The following ME3 variants were observed in gnomAD, a reference collection of about 807,000 sequenced individuals.
The protein encoded by ME3 is NADP-dependent malic enzyme, mitochondrial.
In ME3, 48 loss-of-function variants were observed where a neutral mutation model predicts 68.9. The ratio of observed to expected loss-of-function variants is 0.70; its 90% CI spans 0.55 to 0.89. The LOEUF (loss-of-function observed/expected upper bound fraction) is 0.89, where lower values mean the gene tolerates loss of function less well. Among genes scored for constraint, ME3 ranks in the 40% least tolerant of loss-of-function variants. The pLI is 0.00. For synonymous variants in ME3, 320 were observed against 318.8 expected (o/e 1.00, Z -0.04); for missense variants, 675 against 797.4 (o/e 0.85, Z 1.85).
At chr11:86,597,260 C>T (rs181302669) in intron 2 of ME3, among the ~76,000 whole-genome samples, 4 of 152,202 alleles carry the variant, frequency 2.6e-5, no homozygotes, top group African/African-American at 7.2e-5. Flanking sequence ...CCAAGGAACA[C>T]GTTCCAAGGT....
exon 15 of ME3, chr11:86,441,144 C>A: frequency 1.2e-6 from 1 of 864,888 alleles, no homozygotes; most frequent in South Asian, 3.7e-5. Flanking sequence ...TATGCCTTGG[C>A]ATCTCCTCTC....
At chr11:86,609,220 A>T (rs991070751) in intron 2 of ME3, among the ~76,000 whole-genome samples, 8 of 152,182 alleles carry the variant, frequency 5.3e-5, no homozygotes, top group African/African-American at 1.9e-4. Flanking sequence ...ACTCAGCAAG[A>T]TTAATGAGTA....
intron 6 of ME3, among the ~76,000 whole-genome samples, 197 bp from the exon 7 acceptor site, chr11:86,487,637 C>G (rs1040547084): frequency 6.6e-6 from 1 of 152,136 alleles, no homozygotes; most frequent in African/African-American, 2.4e-5. Flanking sequence ...AGGTTGGACT[C>G]TTAGATGGTC....
intron 8 of ME3, among the ~76,000 whole-genome samples, chr11:86,461,791 T>C (rs984748013): frequency 1.3e-5 from 2 of 152,164 alleles, no homozygotes; most frequent in African/African-American, 2.4e-5. Context: ...GTTAATGATA[T>C]GGTCACACCT....
At chr11:86,559,003 A>G (rs1337233780) in intron 3 of ME3, among the ~76,000 whole-genome samples, 3 of 152,198 alleles carry the variant, frequency 2.0e-5, no homozygotes, top group South Asian at 2.1e-4. Flanking sequence ...AATGAAAAGC[A>G]TAGACTCTGG....
intron 2 of ME3, among the ~76,000 whole-genome samples, chr11:86,663,264 A>G (rs1946394327): frequency 6.6e-6 from 1 of 152,160 alleles, no homozygotes; most frequent in Non-Finnish European, 1.5e-5. Flanking sequence ...CTCTCATTCA[A>G]GTTTCTCAAA....
At chr11:86,506,672 A>G (rs1953099174) in intron 5 of ME3, among the ~76,000 whole-genome samples, 1 of 152,216 alleles carries the variant, frequency 6.6e-6, no homozygotes, top group African/African-American at 2.4e-5. Context: ...TGTGACATGG[A>G]AGATGCTCAG....
At chr11:86,474,657 A>G (rs1950963395) in intron 7 of ME3, among the ~76,000 whole-genome samples, 1 of 152,218 alleles carries the variant, frequency 6.6e-6, no homozygotes, top group Non-Finnish European at 1.5e-5. Context: ...GGTGTCCTCC[A>G]TGAAGGTTTT....
intron 5 of ME3, among the ~76,000 whole-genome samples, chr11:86,508,591 T>A (rs1953261797): frequency 6.6e-6 from 1 of 152,180 alleles, no homozygotes; most frequent in Non-Finnish European, 1.5e-5. Flanking sequence ...AAGGGCAATG[T>A]CACATGGATG....
intron 2 of ME3, among the ~76,000 whole-genome samples, chr11:86,646,833 A>G (rs1208301506): frequency 1.3e-5 from 2 of 152,274 alleles, no homozygotes; most frequent in Non-Finnish European, 2.9e-5. Flanking sequence ...AGGGAAGTCC[A>G]TCAGACTAAC....
chr11:86,636,199 TG>T (rs757743657), intron 2 of ME3, among the ~76,000 whole-genome samples: 35 of 152,030 alleles, frequency 2.3e-4, no homozygotes, highest in Non-Finnish European at 4.3e-4. Flanking sequence ...TGAGACTTTC[TG>T]GGTTAAATCC....
intron 2 of ME3, among the ~76,000 whole-genome samples, chr11:86,603,256 AAAAC>A (rs376976544): frequency 0.082 from 12,391 of 151,850 alleles, 516 homozygotes; most frequent in Non-Finnish European, 0.1. Context: ...TTACAAGAAA[AAAAC>A]AAACAACCCC....
chr11:86,654,364 T>C (rs983739399), intron 2 of ME3, among the ~76,000 whole-genome samples: 14 of 152,146 alleles, frequency 9.2e-5, no homozygotes, highest in East Asian at 1.9e-4. Context: ...ACTGGCAAAC[T>C]GAATCCAGCA....
At chr11:86,458,141 C>G (rs1034699417) in intron 8 of ME3, among the ~76,000 whole-genome samples, 2 of 152,232 alleles carry the variant, frequency 1.3e-5, no homozygotes, top group Admixed American at 6.5e-5. Context: ...AATTACCTTT[C>G]TACAGTAGAT....
chr11:86,596,262 G>T (rs1959437638), intron 2 of ME3, among the ~76,000 whole-genome samples: 1 of 152,112 alleles, frequency 6.6e-6, no homozygotes, highest in Non-Finnish European at 1.5e-5. Context: ...TTTGACAAGG[G>T]TTTTCTTTAG....
intron 7 of ME3, among the ~76,000 whole-genome samples, chr11:86,477,298 CCTTT>C (rs1379701117): frequency 6.6e-6 from 1 of 152,082 alleles, no homozygotes; most frequent in Non-Finnish European, 1.5e-5. Flanking sequence ...ATCAGGCTCC[CCTTT>C]CTTAGATGAG....
At chr11:86,611,305 T>C (rs952200333) in intron 2 of ME3, among the ~76,000 whole-genome samples, 1 of 152,002 alleles carries the variant, frequency 6.6e-6, no homozygotes, top group African/African-American at 2.4e-5. Context: ...AAGCCTCTCC[T>C]TACAGCAGAC....
At chr11:86,542,540 G>A (rs936390590) in intron 4 of ME3, among the ~76,000 whole-genome samples, 7 of 152,238 alleles carry the variant, frequency 4.6e-5, no homozygotes, top group Non-Finnish European at 8.8e-5. Flanking sequence ...TTGATTAAGC[G>A]GTAGAAGGGT....
intron 2 of ME3, among the ~76,000 whole-genome samples, chr11:86,588,507 C>CA (rs1958867788): frequency 6.6e-6 from 1 of 152,140 alleles, no homozygotes; most frequent in South Asian, 2.1e-4. Flanking sequence ...GCTCCTAAGT[C>CA]AAAGGAGACC....
Sources: allele counts gnomAD v4.1 joint callset (sites outside exome capture counted in the v4.1 genomes callset), GRCh38; gene constraint gnomAD v4.1.1; transcripts MANE v1.5; gene names NCBI Gene and HGNC (gene_info 2026-07-23, HGNC 2026-07-21).